Variants in GRM5 observed in about 807,000 individuals in gnomAD.
The protein encoded by GRM5 is metabotropic glutamate receptor 5.
GRM5 carries 19 observed loss-of-function variants against 83.1 expected under a neutral mutation model. The ratio of observed to expected loss-of-function variants is 0.23; its 90% CI spans 0.16 to 0.34. The LOEUF is 0.34. Ranked by LOEUF, GRM5 falls within the 10% of genes least tolerant of loss-of-function variation. GRM5 has a pLI of 1.00. For missense variants in GRM5, 1,160 were observed against 1,588.3 expected (o/e 0.73, Z 4.58); for synonymous variants, 675 against 633.6 (o/e 1.07, Z -0.98).
chr11:88,602,514 C>T (rs1938027104), intron 5 of GRM5, among the ~76,000 whole-genome samples: 1 of 152,158 alleles, frequency 6.6e-6, no homozygotes. Flanking sequence ...CTTAATCACC[C>T]CAGGATCCTT....
intron 7 of GRM5, among the ~76,000 whole-genome samples, chr11:88,588,775 A>G (rs534812555): frequency 6.6e-6 from 1 of 152,230 alleles, no homozygotes; most frequent in East Asian, 1.9e-4. Context: ...AGGCACACAA[A>G]TAGCCCATTA....
chr11:88,873,385 T>G (rs1337963333), intron 2 of GRM5, among the ~76,000 whole-genome samples: 1 of 151,580 alleles, frequency 6.6e-6, no homozygotes, highest in East Asian at 1.9e-4. Flanking sequence ...TACAGAAATA[T>G]TCACGTAACA....
intron 3 of GRM5, among the ~76,000 whole-genome samples, chr11:88,762,972 A>G (rs1230191939): frequency 2.0e-5 from 3 of 151,998 alleles, no homozygotes; most frequent in African/African-American, 7.2e-5. Context: ...CTAACTGATG[A>G]GAACATGTGG....
At chr11:88,811,713 T>A (rs1429363394) in intron 3 of GRM5, among the ~76,000 whole-genome samples, 1 of 152,152 alleles carries the variant, frequency 6.6e-6, no homozygotes, top group East Asian at 1.9e-4. Context: ...AATTATGTAC[T>A]GTTTTATGTA....
intron 6 of GRM5, among the ~76,000 whole-genome samples, chr11:88,593,086 T>C (rs565552432): frequency 2.6e-5 from 4 of 152,214 alleles, no homozygotes; most frequent in African/African-American, 9.6e-5. Context: ...TCCCAAAATG[T>C]TGAAATTATA....
chr11:88,857,726 T>C (rs965961487), intron 2 of GRM5, among the ~76,000 whole-genome samples: 1 of 152,150 alleles, frequency 6.6e-6, no homozygotes, highest in Non-Finnish European at 1.5e-5. Flanking sequence ...TTAATGCAGA[T>C]ATTTCTTTCA....
chr11:88,747,152 C>T (rs1565212156), intron 3 of GRM5, among the ~76,000 whole-genome samples: 1 of 152,168 alleles, frequency 6.6e-6, no homozygotes, highest in African/African-American at 2.4e-5. Context: ...AGGCTCTCAA[C>T]CTGGTTTCCC....
At chr11:88,653,760 G>A (rs548285660) in intron 3 of GRM5, among the ~76,000 whole-genome samples, 28 of 152,044 alleles carry the variant, frequency 1.8e-4, no homozygotes, top group Middle Eastern at 3.4e-3. Context: ...GCCAGGTAAA[G>A]TTAACTTTAA....
chr11:88,532,591 G>A (rs959387382), intron 8 of GRM5, among the ~76,000 whole-genome samples: 14 of 152,144 alleles, frequency 9.2e-5, no homozygotes, highest in African/African-American at 3.1e-4. Context: ...CCTCCATTAT[G>A]TAAGCCCTCA....
chr11:88,715,094 A>G (rs1481868665), intron 3 of GRM5, among the ~76,000 whole-genome samples: 1 of 152,030 alleles, frequency 6.6e-6, no homozygotes, highest in African/African-American at 2.4e-5. Flanking sequence ...GCCTTCATAA[A>G]AATCCTCTGA....
chr11:88,610,438 G>A (rs1036971718), intron 4 of GRM5, among the ~76,000 whole-genome samples: 13 of 151,942 alleles, frequency 8.6e-5, no homozygotes, highest in Admixed American at 4.6e-4. Flanking sequence ...CACTTCCTTG[G>A]TAAACTGTAT....
At chr11:88,716,228 A>C (rs1941397324) in intron 3 of GRM5, among the ~76,000 whole-genome samples, 1 of 151,952 alleles carries the variant, frequency 6.6e-6, no homozygotes, top group Non-Finnish European at 1.5e-5. Context: ...GATAGGAAAG[A>C]GCATGGATTA....
At chr11:88,913,583 CTCTCTTT>C (rs1945538458) in intron 2 of GRM5, among the ~76,000 whole-genome samples, 1 of 122,870 alleles carries the variant, frequency 8.1e-6, no homozygotes, top group African/African-American at 3.1e-5. Flanking sequence ...CCTTCTCTCT[CTCTCTTT>C]TTTTTTTTTT....
intron 2 of GRM5, among the ~76,000 whole-genome samples, chr11:89,043,155 A>C (rs899555760): frequency 1.3e-4 from 20 of 152,168 alleles, no homozygotes; most frequent in African/African-American, 4.8e-4. Context: ...ATAAATGGTG[A>C]GCTACGTACT....
At chr11:88,531,374 G>A (rs1370257578) in intron 8 of GRM5, among the ~76,000 whole-genome samples, 1 of 152,072 alleles carries the variant, frequency 6.6e-6, no homozygotes. Context: ...GACTCTATAT[G>A]GTTTGGAAGG....
intron 3 of GRM5, among the ~76,000 whole-genome samples, chr11:88,741,223 A>C (rs566244172): frequency 1.3e-5 from 2 of 152,194 alleles, no homozygotes; most frequent in South Asian, 4.2e-4. Context: ...AATACCATGA[A>C]GATAATCAGG....
chr11:88,938,418 C>A (rs1454213222), intron 2 of GRM5, among the ~76,000 whole-genome samples: 1 of 151,466 alleles, frequency 6.6e-6, no homozygotes, highest in Non-Finnish European at 1.5e-5. Flanking sequence ...AGAAAATTTA[C>A]TTAAGAAACA....
At chr11:88,719,540 T>C (rs1941484476) in intron 3 of GRM5, among the ~76,000 whole-genome samples, 1 of 152,114 alleles carries the variant, frequency 6.6e-6, no homozygotes, top group South Asian at 2.1e-4. Context: ...CATGTGTCTT[T>C]ATAACAGAAT....
At chr11:88,724,235 C>CTGAT (rs1310558708) in intron 3 of GRM5, among the ~76,000 whole-genome samples, 1 of 152,166 alleles carries the variant, frequency 6.6e-6, no homozygotes, top group Non-Finnish European at 1.5e-5. Flanking sequence ...CATACCATCC[C>CTGAT]TGATAGTGGA....
Sources: gnomAD v4.1 joint callset for allele counts (sites outside exome capture counted in the v4.1 genomes callset) on GRCh38, gnomAD v4.1.1 for gene constraint, MANE v1.5 for transcripts, NCBI Gene and HGNC (gene_info 2026-07-23, HGNC 2026-07-21) for gene names.